The following ABTB3 variants were observed in gnomAD, a reference collection of about 807,000 sequenced individuals.
ABTB3 encodes ankyrin repeat and BTB domain containing 3.
the ABTB3 span, among the ~76,000 whole-genome samples, chr12:107,569,349 A>G: frequency 5.3e-5 from 8 of 152,164 alleles, no homozygotes; most frequent in Non-Finnish European, 8.8e-5. Flanking sequence ...AGACTTTGAG[A>G]TGTGTTTCTG....
the ABTB3 span, among the ~76,000 whole-genome samples, chr12:107,448,749 T>C: frequency 6.6e-6 from 1 of 151,902 alleles, no homozygotes; most frequent in Non-Finnish European, 1.5e-5. Context: ...CAAGCAATTC[T>C]CCTGCCTCAG....
the ABTB3 span, among the ~76,000 whole-genome samples, chr12:107,377,064 C>T: frequency 6.6e-6 from 1 of 152,176 alleles, no homozygotes; most frequent in Non-Finnish European, 1.5e-5. Context: ...GGGCCTCCCC[C>T]ACAGCTGAGG....
the ABTB3 span, among the ~76,000 whole-genome samples, chr12:107,322,349 T>G: frequency 6.6e-6 from 1 of 152,178 alleles, no homozygotes; most frequent in Non-Finnish European, 1.5e-5. Context: ...TTCATTGTGA[T>G]CTCTTCATGC....
At chr12:107,482,732 C>T in the ABTB3 span, among the ~76,000 whole-genome samples, 19 of 152,078 alleles carry the variant, frequency 1.2e-4, no homozygotes, top group Admixed American at 1.2e-3. Flanking sequence ...ATCTCCTCTT[C>T]CTGGCTCCAT....
the ABTB3 span, among the ~76,000 whole-genome samples, chr12:107,634,441 AG>A: frequency 6.6e-6 from 1 of 152,214 alleles, no homozygotes; most frequent in South Asian, 2.1e-4. Flanking sequence ...ATTGCCAAAA[AG>A]ACATGGTACA....
At chr12:107,633,213 C>T in the ABTB3 span, among the ~76,000 whole-genome samples, 1 of 152,088 alleles carries the variant, frequency 6.6e-6, no homozygotes, top group African/African-American at 2.4e-5. Context: ...ACAAAAGACA[C>T]CCCAGAGGAG....
At chr12:107,465,600 G>A in the ABTB3 span, among the ~76,000 whole-genome samples, 3 of 152,124 alleles carry the variant, frequency 2.0e-5, no homozygotes, top group Admixed American at 2.0e-4. Flanking sequence ...GGGGTGCTGG[G>A]GGCAGACCTC....
the ABTB3 span, among the ~76,000 whole-genome samples, chr12:107,539,813 C>T: frequency 6.6e-6 from 1 of 152,222 alleles, no homozygotes; most frequent in Admixed American, 6.5e-5. Flanking sequence ...TTAAGTGACT[C>T]GCCTGTGTTT....
chr12:107,657,363 C>T, the ABTB3 span: 2 of 713,648 alleles, frequency 2.8e-6, no homozygotes, highest in Admixed American at 2.2e-5. Flanking sequence ...CAAAGTCATA[C>T]CCCATGGGTG....
At chr12:107,642,689 T>C in the ABTB3 span, among the ~76,000 whole-genome samples, 1 of 152,274 alleles carries the variant, frequency 6.6e-6, no homozygotes, top group South Asian at 2.1e-4. Context: ...AAACTTTGGT[T>C]GAGCTCAGCG....
the ABTB3 span, among the ~76,000 whole-genome samples, chr12:107,476,166 C>T: frequency 3.5e-3 from 533 of 152,252 alleles, 5 homozygotes; most frequent in African/African-American, 0.012. Flanking sequence ...GCCTGGCCCC[C>T]GGCTACCTAG....
the ABTB3 span, among the ~76,000 whole-genome samples, chr12:107,591,081 C>T: frequency 2.0e-5 from 3 of 152,186 alleles, no homozygotes; most frequent in Non-Finnish European, 4.4e-5. Flanking sequence ...AGGAACCAGT[C>T]CCATACTTTA....
the ABTB3 span, among the ~76,000 whole-genome samples, chr12:107,632,002 T>C: frequency 5.3e-5 from 8 of 152,232 alleles, no homozygotes; most frequent in Non-Finnish European, 1.2e-4. Context: ...TTGTTACGTA[T>C]TTGAAGATTG....
At chr12:107,339,084 T>A in the ABTB3 span, among the ~76,000 whole-genome samples, 1 of 152,136 alleles carries the variant, frequency 6.6e-6, no homozygotes, top group Non-Finnish European at 1.5e-5. Flanking sequence ...GGATGTAACT[T>A]GTAGATTATC....
chr12:107,342,052 T>C, the ABTB3 span, among the ~76,000 whole-genome samples: 4 of 152,136 alleles, frequency 2.6e-5, no homozygotes, highest in Admixed American at 2.6e-4. Context: ...GTCTCAGGTA[T>C]TTATTAATAG....
chr12:107,318,750 C>T, the ABTB3 span: 5 of 636,968 alleles, frequency 7.8e-6, no homozygotes, highest in Non-Finnish European at 8.0e-6. Context: ...ACTCCAGGGT[C>T]TGCTCTGTAT....
chr12:107,611,517 T>G, the ABTB3 span, among the ~76,000 whole-genome samples: 7 of 152,370 alleles, frequency 4.6e-5, no homozygotes, highest in Middle Eastern at 3.4e-3. Flanking sequence ...CTATGCAAAA[T>G]GGTCATTATT....
chr12:107,408,801 T>C, the ABTB3 span, among the ~76,000 whole-genome samples: 1 of 152,248 alleles, frequency 6.6e-6, no homozygotes, highest in Non-Finnish European at 1.5e-5. Flanking sequence ...CTGGCCTCGG[T>C]GACTTTTTAT....
At chr12:107,407,311 A>G in the ABTB3 span, among the ~76,000 whole-genome samples, 1 of 152,156 alleles carries the variant, frequency 6.6e-6, no homozygotes, top group Non-Finnish European at 1.5e-5. Context: ...ACGACAAATC[A>G]CTCTGAAACT....
Sources: gnomAD v4.1 joint callset for allele counts (sites outside exome capture counted in the v4.1 genomes callset) on GRCh38, gnomAD v4.1.1 for gene constraint, MANE v1.5 for transcripts, NCBI Gene and HGNC (gene_info 2026-07-23, HGNC 2026-07-21) for gene names.